The following DGCR8 variants were observed in gnomAD, a reference collection of about 807,000 sequenced individuals.
The protein encoded by DGCR8 is DGCR8 microprocessor complex subunit, also known as microprocessor complex subunit DGCR8.
In DGCR8, 14 loss-of-function variants were observed where a neutral mutation model predicts 78.5. The ratio of observed to expected loss-of-function variants is 0.18; its 90% confidence interval spans 0.12 to 0.28. The LOEUF is 0.28. DGCR8 is among the 10% of genes least tolerant of loss of function. DGCR8 has a pLI of 1.00. For synonymous variants in DGCR8, 399 were observed against 402.4 expected (o/e 0.99, Z 0.10); for missense variants, 702 against 1,022.5 (o/e 0.69, Z 4.28).
rs2049494695 is a variant in DGCR8, at chr22:20,087,153, G to A, written c.721-9G>A. 1.2e-6 allele frequency: 2 copies of A among 1,606,336 alleles called. No individual in the cohort carries two copies. Among genetic ancestry groups the A allele is most frequent in the South Asian group, 1.1e-5 (1 of 90,362 alleles). ...AGGGGCTCTGGTGTCTGAACAGCGTGTTTTGCAGGATGACTTTGACAACGA... is the reference window on the plus strand; with the variant it reads ...AGGGGCTCTGGTGTCTGAACAGCGTATTTTGCAGGATGACTTTGACAACGA... On this transcript the variant is annotated splice_polypyrimidine_tract_variant and intron_variant, in intron 2 of 13. Transcript: ENST00000351989. This position sits in a 1 kb window ranked among gnomAD's most constrained non-coding sequence, Gnocchi z 4.1.
Position 20,110,992 on chromosome 22 carries a change from G to A in DGCR8, c.*884G>A. ...TTTAGCATTTTGAAAGACTTTCACA[G>A]TGAGAGTAGAAGGTAGATTTGGAAT... is the stretch of plus-strand genomic sequence containing the variant. On this transcript the variant is annotated 3_prime_UTR_variant, in exon 14 of 14. Transcript: ENST00000351989. The A allele has an allele frequency of 5.0e-6, 2 of 396,844 alleles. No individual in the cohort carries two copies. Among genetic ancestry groups the A allele is most frequent in the Non-Finnish European group, 8.9e-6 (2 of 225,514 alleles). 24.6% of individuals were successfully genotyped at this position (396,844 alleles called of 1,614,324 possible). A position where few individuals can be genotyped will look rare whatever the true frequency, so the allele number is the denominator to read the frequency against.
At position 20,110,383 on chromosome 22, in the gene DGCR8, G is replaced by T. The variant is rs753768216; in HGVS notation, c.*275G>T. On this transcript the variant is annotated 3_prime_UTR_variant, in exon 14 of 14. Coordinates refer to ENST00000351989, the MANE Select transcript of DGCR8 (RefSeq NM_022720.7). ...TGGCAGCTGGTGACTGTGGACAGTG[G>T]TGGACCCTGCTTCTGTGCACCTGCT... 1 of 449,092 alleles carries T rather than the reference G, an allele frequency of 2.2e-6. No individual in the cohort carries two copies. Among genetic ancestry groups the T allele is most frequent in the Non-Finnish European group, 4.0e-6 (1 of 251,706 alleles). The allele number at this position is 449,092 out of a possible 1,614,324, so 27.8% of individuals were successfully genotyped here.
At position 20,090,233 on chromosome 22, in the gene DGCR8, C is replaced by T. The variant is rs113891618; in HGVS notation, c.1281C>T (p.Val427=). The T allele has an allele frequency of 8.7e-3, 13,937 of 1,609,574 alleles. 84 individuals are homozygous for T. The highest frequency in any genetic ancestry group is 0.01 in the Admixed American group (599 of 58,544). ...CCCTGGGGCAGGTGAAGGCCAAAGT[C>T]GAGGTGTGCAAAGATGAATCCGTTG... ...PGALGQVKAK[V]EVCKDESVDL... is the part of the protein sequence containing the mutation. Residue 427 remains valine, a synonymous_variant, in exon 5 of 14, where the codon GTC becomes GTT. Coordinates refer to ENST00000351989, the MANE Select transcript of DGCR8 (RefSeq NM_022720.7).
At chr22:20,105,305 G>A (rs1052396850) in intron 9 of DGCR8, among the ~76,000 whole-genome samples, 19 of 152,324 alleles carry the variant, frequency 1.2e-4, no homozygotes, top group African/African-American at 4.6e-4. Flanking sequence ...GAAAGAGGAT[G>A]GCCCTGCTGA....
At position 20,094,869 on chromosome 22, in the gene DGCR8, G is replaced by C. The variant is rs1225706426; in HGVS notation, c.1788+74G>C. The C allele has an allele frequency of 4.4e-6, 6 of 1,365,698 alleles. No homozygotes were observed. The East Asian group carries it at 6.9e-5, about 16-fold the overall frequency. The allele number at this position is 1,365,698 out of a possible 1,614,324, so 84.6% of individuals were successfully genotyped here. A position where few individuals can be genotyped will look rare whatever the true frequency, so the allele number is the denominator to read the frequency against. ...TACCCTGCCCTGTTAGTGTGAGCTG[G>C]GGGTGTCCGTGGGCTGTGCTCATGC... On this transcript the variant is annotated intron_variant, in intron 9 of 13. Transcript: ENST00000351989.
rs1293415188 is a variant in DGCR8 at position 20,086,062 on chromosome 22, G to A, written c.99G>A (p.Glu33=). The stretch of plus-strand genomic sequence containing the variant: ...GCCCCTTCCAAGCGCTGCCCCGTGA[G>A]CAGTCTCCACCACCTCCCCTGCAAA... ...RARPFQALPR[E]QSPPPPLQTS... The change falls in exon 2 of 14, where the codon GAG becomes GAA. Residue 33 remains glutamate, a synonymous_variant. Transcript: ENST00000351989. The surrounding 1 kb of genome is among the most constrained non-coding windows in gnomAD (Gnocchi z 6.4). 7 of 1,614,082 alleles carry A rather than the reference G, an allele frequency of 4.3e-6. No homozygotes were observed. Among genetic ancestry groups the A allele is most frequent in the Non-Finnish European group, 5.9e-6 (7 of 1,180,042 alleles).
intron 1 of DGCR8, among the ~76,000 whole-genome samples, chr22:20,083,085 C>G (rs1176081359): frequency 6.6e-6 from 1 of 152,196 alleles, no homozygotes; most frequent in East Asian, 1.9e-4. Flanking sequence ...TCTGCTTTTC[C>G]TCTCAGTGTC....
At position 20,087,173 on chromosome 22, in the gene DGCR8, C is replaced by T; in HGVS notation, c.732C>T (p.Asp244=). 7.5e-6 allele frequency: 12 copies of T among 1,610,528 alleles called. No individual in the cohort carries two copies. The highest frequency in any genetic ancestry group is 9.3e-6 in the Non-Finnish European group (11 of 1,177,722). Residue 244 remains aspartate, a synonymous_variant, in exon 3 of 14, where the codon GAC becomes GAT. Coordinates refer to ENST00000351989, the MANE Select transcript of DGCR8 (RefSeq NM_022720.7). This position sits in a 1 kb window ranked among gnomAD's most constrained non-coding sequence, Gnocchi z 4.1. ...AGCGTGTTTTGCAGGATGACTTTGACAACGATGTGGATGCTCTGCTGGAAG... is the reference window on the plus strand; with the variant it reads ...AGCGTGTTTTGCAGGATGACTTTGATAACGATGTGGATGCTCTGCTGGAAG... ...ALNFPYEDDF[D]NDVDALLEEG...
At position 20,092,881 on chromosome 22, in the gene DGCR8, G is replaced by A; in HGVS notation, c.1679G>A (p.Ser560Asn). 6.2e-7 allele frequency: 1 copy of A among 1,613,564 alleles called. No individual in the cohort carries two copies. The highest frequency in any genetic ancestry group is 8.5e-7 in the Non-Finnish European group (1 of 1,179,622). ...GVTYGSGTAS[S>N]KKLAKNKAAR... Reference sequence around the variant, plus strand: ...ACTTACGGATCTGGAACTGCAAGCAGCAAAAAACTTGCGAAGAATAAAGCT... The same window carrying A: ...ACTTACGGATCTGGAACTGCAAGCAACAAAAAACTTGCGAAGAATAAAGCT... Residue 560 changes from serine (S) to asparagine (N), a missense_variant, in exon 8 of 14, where the codon AGC becomes AAC. Ser to Asn is a conservative substitution (Grantham distance 46, BLOSUM62 1). Transcript: ENST00000351989.
intron 12 of DGCR8, chr22:20,108,623 G>A: frequency 2.8e-6 from 1 of 353,394 alleles, no homozygotes; most frequent in Non-Finnish European, 5.5e-6. Context: ...TCTGCCCATG[G>A]CAGGAGGCCA....
intron 1 of DGCR8, chr22:20,084,880 C>G (rs1397489579): frequency 1.5e-6 from 1 of 672,336 alleles, no homozygotes; most frequent in African/African-American, 2.0e-5. Flanking sequence ...TGTGGGTCTC[C>G]CCTCTCAAGT....
In DGCR8 at chr22:20,111,706, G is replaced by GGGGGGGCCCCC. The variant is rs2049850095; in HGVS notation, c.*1598_*1599insGGGGGGCCCCC. The GGGGGGGCCCCC allele has an allele frequency of 3.2e-5, 2 of 63,028 alleles. No homozygotes were observed. The allele number at this position is 63,028 out of a possible 1,614,324, so 3.9% of individuals were successfully genotyped here. On this transcript the variant is annotated 3_prime_UTR_variant, in exon 14 of 14. Coordinates refer to ENST00000351989, the MANE Select transcript of DGCR8 (RefSeq NM_022720.7). The stretch of plus-strand genomic sequence containing the variant: ...TGCCATACTCTTGTGGTCTCTGTGC[G>GGGGGGGCCCCC]CCCCCCCCCCCCCCCCACCCGTCTG...
chr22:20,086,843 G>C lies in DGCR8; in HGVS notation c.720+160G>C. ...ATGTTAATGTGGAGAAGAGAAAGAT[G>C]TAAGGAGTCCAGATTTTTAAAGTTT... is the stretch of plus-strand genomic sequence containing the variant. On this transcript the variant is annotated intron_variant, in intron 2 of 13. Coordinates refer to ENST00000351989, the MANE Select transcript of DGCR8 (RefSeq NM_022720.7). This position sits in a 1 kb window ranked among gnomAD's most constrained non-coding sequence, Gnocchi z 6.4. 1.0e-6 allele frequency: 1 copy of C among 958,318 alleles called. No homozygotes were observed. Among genetic ancestry groups the C allele is most frequent in the Non-Finnish European group, 1.5e-6 (1 of 662,630 alleles). 59.4% of individuals were successfully genotyped at this position (958,318 alleles called of 1,614,324 possible).
intron 9 of DGCR8, chr22:20,101,157 G>T: frequency 5.1e-6 from 5 of 970,956 alleles, no homozygotes; most frequent in Non-Finnish European, 6.1e-6. Flanking sequence ...AATCCTCAGG[G>T]TTTTAAGAAC....
chr22:20,108,665 G>A (rs534679196), intron 12 of DGCR8: 8 of 397,706 alleles, frequency 2.0e-5, no homozygotes, highest in Admixed American at 7.3e-5. Flanking sequence ...AGAAAGGCCT[G>A]GCAGCTATGG....
At chr22:20,088,335 A>G (rs9606241) in intron 3 of DGCR8, among the ~76,000 whole-genome samples, 41,217 of 151,918 alleles carry the variant, frequency 0.27, 5,704 homozygotes, top group South Asian at 0.29. Context: ...TGCATTTTCA[A>G]CAGGCTCATT....
In DGCR8 at chr22:20,111,071, A is replaced by T; in HGVS notation, c.*963A>T. ...AACAGGAAGCAAGGGCCTTCAGTGT[A>T]GCCCATTCTTGATCCAGAGCTGTTG... On this transcript the variant is annotated 3_prime_UTR_variant, in exon 14 of 14. Coordinates refer to ENST00000351989, the MANE Select transcript of DGCR8 (RefSeq NM_022720.7). The T allele has an allele frequency of 2.5e-6, 1 of 397,904 alleles. No homozygotes were observed. The highest frequency in any genetic ancestry group is 3.6e-5 in the East Asian group (1 of 28,084). 24.6% of individuals were successfully genotyped at this position (397,904 alleles called of 1,614,324 possible). A position where few individuals can be genotyped will look rare whatever the true frequency, so the allele number is the denominator to read the frequency against.
rs530081359 is a variant in DGCR8, at chr22:20,083,868, T to A, written c.-277-1819T>A. ...GTGTTCCTCATGCCTGCCTGGTTGC[T>A]GCCCACAGCCTCTTGAGCGTCTTCA... On this transcript the variant is annotated intron_variant, in intron 1 of 13. Transcript: ENST00000351989. Among the ~76,000 whole-genome samples, 5 of 152,344 alleles carry A rather than the reference T, an allele frequency of 3.3e-5. No individual in the cohort carries two copies. In the East Asian group the frequency reaches 9.6e-4, roughly 29 times the overall value.
In DGCR8 at chr22:20,085,107, TC is replaced by T; in HGVS notation, c.-277-579del. On this transcript the variant is annotated intron_variant, in intron 1 of 13. Transcript: ENST00000351989. The surrounding 1 kb of genome is among the most constrained non-coding windows in gnomAD (Gnocchi z 6.2). The stretch of plus-strand genomic sequence containing the variant: ...AACTATGCTGCCACCTCTGGTGACC[TC>T]AGCACGCTGCATCACTGTCCCCGTC... The T allele has an allele frequency of 1.1e-6, 1 of 885,082 alleles. No individual in the cohort carries two copies. Among genetic ancestry groups the T allele is most frequent in the Non-Finnish European group, 1.4e-6 (1 of 739,214 alleles). The allele number at this position is 885,082 out of a possible 1,614,324, so 54.8% of individuals were successfully genotyped here. A position where few individuals can be genotyped will look rare whatever the true frequency, so the allele number is the denominator to read the frequency against.
Sources: gnomAD v4.1 joint callset for allele counts (sites outside exome capture counted in the v4.1 genomes callset) on GRCh38, gnomAD v4.1.1 for gene constraint, Gnocchi (gnomAD v3.1) non-coding constraint, MANE v1.5 for transcripts, NCBI Gene and HGNC (gene_info 2026-07-23, HGNC 2026-07-21) for gene names.